Variants in NMNAT2 observed in about 807,000 individuals in gnomAD.
NMNAT2 encodes nicotinamide nucleotide adenylyltransferase 2.
In NMNAT2, 11 loss-of-function variants were observed where a neutral mutation model predicts 41.6. The observed-to-expected ratio is 0.26, with a 90% confidence interval of 0.17 to 0.44. The LOEUF is 0.44. NMNAT2 is among the 20% of genes least tolerant of loss of function. NMNAT2 has a pLI of 1.00. For synonymous variants in NMNAT2, 148 were observed against 151.2 expected, an observed-to-expected ratio of 0.98 and a Z score of 0.16; for missense variants, 288 against 407.7, an observed-to-expected ratio of 0.71 and a Z score of 2.53.
At chr1:183,286,901 A>T in intron 4 of NMNAT2, 113 bp from the exon 5 acceptor site, 2 of 1,167,540 alleles carry the variant, frequency 1.7e-6, no homozygotes, top group Non-Finnish European at 2.4e-6. Context: ...AGAGCTGAGG[A>T]AGAGCCCTGG....
Position 183,298,281 on chromosome 1 carries a change from TG to T in NMNAT2, c.86-4489del, listed in dbSNP as rs200037519. Among the ~76,000 whole-genome samples, 161 of 152,328 alleles carry T rather than the reference TG, an allele frequency of 1.1e-3. 1 individual carries two copies. The East Asian group carries it at 0.028, about 26-fold the overall frequency. On this transcript the variant is annotated intron_variant, in intron 1 of 10. Coordinates refer to ENST00000287713, the MANE Select transcript of NMNAT2 (RefSeq NM_015039.4). Reference sequence around the variant, plus strand: ...CTGTCTCTATTTGTAGATGACTTGATGATCTACCTAGAAATCCCAATAAATT... The same window carrying T: ...CTGTCTCTATTTGTAGATGACTTGATATCTACCTAGAAATCCCAATAAATT...
intron 8 of NMNAT2, among the ~76,000 whole-genome samples, chr1:183,273,339 T>C (rs1412744144): frequency 1.3e-5 from 2 of 152,234 alleles, no homozygotes; most frequent in African/African-American, 2.4e-5. Flanking sequence ...GGTTTTGGCC[T>C]CATGGTCTCC....
Position 183,418,322 on chromosome 1 carries a change from G to A in NMNAT2, c.-55C>T, listed in dbSNP as rs1462005720. On this transcript the variant is annotated 5_prime_UTR_variant, in exon 1 of 11. In the 5' UTR this introduces an upstream ATG that the reference lacks. Transcript: ENST00000287713. ...GGGGTTGCCTCTCTTTTTGTGTCTCGTTGTGTCTGCAGAGGGAGAAAGGAA... is the reference window on the plus strand; with the variant it reads ...GGGGTTGCCTCTCTTTTTGTGTCTCATTGTGTCTGCAGAGGGAGAAAGGAA... The A allele has an allele frequency of 1.3e-6, 2 of 1,534,096 alleles. No individual in the cohort carries two copies. The highest frequency in any genetic ancestry group is 1.8e-6 in the Non-Finnish European group (2 of 1,107,718).
At chr1:183,258,726 T>C (rs1660582259) in intron 10 of NMNAT2, among the ~76,000 whole-genome samples, 1 of 152,126 alleles carries the variant, frequency 6.6e-6, no homozygotes, top group Non-Finnish European at 1.5e-5. Flanking sequence ...TTGTAGACCC[T>C]GCACTTGATG....
At chr1:183,413,236 G>T (rs1042623915) in intron 1 of NMNAT2, among the ~76,000 whole-genome samples, 3 of 152,216 alleles carry the variant, frequency 2.0e-5, no homozygotes, top group African/African-American at 7.2e-5. Flanking sequence ...ACTGGAAGAT[G>T]TAAAGGGAGG....
At chr1:183,341,090 AC>A (rs898200348) in intron 1 of NMNAT2, among the ~76,000 whole-genome samples, 2 of 152,200 alleles carry the variant, frequency 1.3e-5, no homozygotes, top group African/African-American at 4.8e-5. Flanking sequence ...CTGGGCTAGA[AC>A]TTGAACCCAG....
At chr1:183,370,994 G>A (rs526845) in intron 1 of NMNAT2, among the ~76,000 whole-genome samples, 1 of 151,944 alleles carries the variant, frequency 6.6e-6, no homozygotes, top group South Asian at 2.1e-4. Flanking sequence ...ACCACGGTGC[G>A]CCGCATGTTT....
intron 5 of NMNAT2, 152 bp downstream of exon 5, chr1:183,286,510 G>A (rs1026884648): frequency 1.5e-5 from 9 of 594,782 alleles, no homozygotes; most frequent in African/African-American, 1.3e-4. Context: ...CTCTGGACTA[G>A]CAGCATCAGC....
At chr1:183,282,707 C>T (rs1418146859) in intron 7 of NMNAT2, among the ~76,000 whole-genome samples, 1 of 152,172 alleles carries the variant, frequency 6.6e-6, no homozygotes, top group Non-Finnish European at 1.5e-5. Context: ...CCATCCTTGC[C>T]TGTTGGGTGT....
intron 8 of NMNAT2, among the ~76,000 whole-genome samples, chr1:183,268,301 G>A (rs1459164669): frequency 6.6e-6 from 1 of 152,218 alleles, no homozygotes; most frequent in East Asian, 1.9e-4. Flanking sequence ...GATGCTTTGA[G>A]TGGGTGGATG....
Position 183,384,117 on chromosome 1 carries a change from A to G in NMNAT2, c.85+34066T>C, listed in dbSNP as rs999546931. 2.1e-4 allele frequency among the ~76,000 whole-genome samples: 32 copies of G among 152,146 alleles called. 1 individual carries two copies. Among genetic ancestry groups the G allele is most frequent in the Admixed American group, 1.8e-3 (27 of 15,266 alleles). ...CATGACCAAAGAGAAACTTGCAATC[A>G]TGGTGGAAGGTGAAGGGGAAGCAAG... On this transcript the variant is annotated intron_variant, in intron 1 of 10. Coordinates refer to ENST00000287713, the MANE Select transcript of NMNAT2 (RefSeq NM_015039.4).
intron 5 of NMNAT2, 126 bp downstream of exon 5, chr1:183,286,536 A>C: frequency 1.4e-6 from 1 of 737,636 alleles, no homozygotes; most frequent in Non-Finnish European, 2.2e-6. Flanking sequence ...CTTATTAAAA[A>C]TACAAGTCCT....
In NMNAT2 at chr1:183,271,062, G is replaced by A. The variant is rs370882033; in HGVS notation, c.651+7491C>T. 5.3e-5 allele frequency among the ~76,000 whole-genome samples: 8 copies of A among 152,258 alleles called. No homozygotes were observed. The East Asian group carries it at 1.5e-3, about 29-fold the overall frequency. ...TTAGAACCAGCCTGTGGAATGCTGG[G>A]CTTTGAGGAGCGCAAAAAGAAAAAA... On this transcript the variant is annotated intron_variant, in intron 8 of 10. Coordinates refer to ENST00000287713, the MANE Select transcript of NMNAT2 (RefSeq NM_015039.4).
chr1:183,396,714 C>A (rs557968133), intron 1 of NMNAT2, among the ~76,000 whole-genome samples: 1 of 152,278 alleles, frequency 6.6e-6, no homozygotes, highest in South Asian at 2.1e-4. Flanking sequence ...CACATTTGAT[C>A]TCTCAAGTCA....
chr1:183,406,261 T>G (rs1435125276), intron 1 of NMNAT2, among the ~76,000 whole-genome samples: 1 of 152,156 alleles, frequency 6.6e-6, no homozygotes, highest in Non-Finnish European at 1.5e-5. Context: ...AGACTGGGAA[T>G]GTAATGACAT....
At chr1:183,364,611 T>C (rs542154189) in intron 1 of NMNAT2, among the ~76,000 whole-genome samples, 2 of 134,142 alleles carry the variant, frequency 1.5e-5, no homozygotes, top group African/African-American at 5.3e-5. Flanking sequence ...TTTTGTTATA[T>C]ATAAGTAGAA....
intron 1 of NMNAT2, among the ~76,000 whole-genome samples, chr1:183,398,861 A>G (rs1648728184): frequency 6.6e-6 from 1 of 152,268 alleles, no homozygotes; most frequent in Admixed American, 6.5e-5. Flanking sequence ...CTTTGAAACC[A>G]GTGAGAACAA....
At chr1:183,397,112 T>G (rs772070820) in intron 1 of NMNAT2, among the ~76,000 whole-genome samples, 1 of 152,230 alleles carries the variant, frequency 6.6e-6, no homozygotes, top group Non-Finnish European at 1.5e-5. Flanking sequence ...AAAATATGTC[T>G]GCACTCCCCT....
At chr1:183,389,506 C>A (rs939049954) in intron 1 of NMNAT2, among the ~76,000 whole-genome samples, 1 of 151,834 alleles carries the variant, frequency 6.6e-6, no homozygotes, top group African/African-American at 2.4e-5. Flanking sequence ...ATAAAACCAA[C>A]TTGACAGGGC....
Sources: gnomAD v4.1 joint callset for allele counts (sites outside exome capture counted in the v4.1 genomes callset) on GRCh38, gnomAD v4.1.1 for gene constraint, MANE v1.5 for transcripts, NCBI Gene and HGNC (gene_info 2026-07-23, HGNC 2026-07-21) for gene names.